The following PDE1C variants were observed in gnomAD, a reference collection of about 807,000 sequenced individuals.
PDE1C encodes the protein dual specificity calcium/calmodulin-dependent 3',5'-cyclic nucleotide phosphodiesterase 1C.
A neutral mutation model predicts 93.1 loss-of-function variants in PDE1C; 62 were observed. That is an observed-to-expected ratio of 0.67 (90% CI 0.54 to 0.82). PDE1C has a LOEUF of 0.82. PDE1C is among the 40% of genes least tolerant of loss of function. The probability of loss-of-function intolerance (pLI) is 0.00; values close to 1 mark genes in which losing one functional copy is unlikely to be tolerated. For missense variants in PDE1C, 742 were observed against 884.6 expected (o/e 0.84, Z 2.04); for synonymous variants, 325 against 310.1 (o/e 1.05, Z -0.50).
chr7:31,871,546 C>A (rs1795951931), intron 6 of PDE1C, among the ~76,000 whole-genome samples: 1 of 151,460 alleles, frequency 6.6e-6, no homozygotes, highest in African/African-American at 2.4e-5. Context: ...AAAAAGTGGG[C>A]AAAGATATAG....
intron 2 of PDE1C, among the ~76,000 whole-genome samples, chr7:32,200,359 T>C (rs939558941): frequency 6.6e-6 from 1 of 152,216 alleles, no homozygotes; most frequent in Non-Finnish European, 1.5e-5. Context: ...TGTTTGTTAA[T>C]TTCTTAGGCT....
intron 2 of PDE1C, among the ~76,000 whole-genome samples, chr7:31,945,049 T>G (rs1000764141): frequency 6.6e-6 from 1 of 152,156 alleles, no homozygotes; most frequent in Non-Finnish European, 1.5e-5. Flanking sequence ...TACATCTTTT[T>G]AAAAATTTTC....
At chr7:31,763,170 A>G (rs182739291) in intron 17 of PDE1C, among the ~76,000 whole-genome samples, 3 of 152,290 alleles carry the variant, frequency 2.0e-5, no homozygotes, top group African/African-American at 7.2e-5. Flanking sequence ...AACTTGGTTT[A>G]TACTTAGCTT....
intron 2 of PDE1C, among the ~76,000 whole-genome samples, chr7:32,188,207 A>C (rs1043644296): frequency 4.9e-5 from 1 of 20,586 alleles, no homozygotes; most frequent in African/African-American, 1.6e-4. Context: ...GCTAGTATAT[A>C]TGAAATTGGG....
At chr7:31,691,778 A>G in the PDE1C span, among the ~76,000 whole-genome samples, 1 of 134,108 alleles carries the variant, frequency 7.5e-6, no homozygotes, top group Non-Finnish European at 1.6e-5. Context: ...TTTATACAAT[A>G]GTTGTAGAAT....
the PDE1C span, among the ~76,000 whole-genome samples, chr7:31,716,576 A>G: frequency 1.3e-5 from 2 of 152,222 alleles, no homozygotes; most frequent in Admixed American, 1.3e-4. Flanking sequence ...GATGTGCACC[A>G]TGATCATTGA....
intron 1 of PDE1C, among the ~76,000 whole-genome samples, chr7:32,363,552 C>T (rs1784177270): frequency 6.6e-6 from 1 of 152,216 alleles, no homozygotes; most frequent in Non-Finnish European, 1.5e-5. Context: ...AAAGAAATAA[C>T]TTCGATTGCT....
intron 2 of PDE1C, among the ~76,000 whole-genome samples, chr7:32,034,298 C>T (rs1202588289): frequency 6.6e-6 from 1 of 151,996 alleles, no homozygotes; most frequent in Non-Finnish European, 1.5e-5. Context: ...CTTCTGGTTA[C>T]CCTCTCCCCT....
intron 17 of PDE1C, among the ~76,000 whole-genome samples, chr7:31,758,290 T>C (rs1209256298): frequency 6.9e-6 from 1 of 144,718 alleles, no homozygotes; most frequent in Non-Finnish European, 1.5e-5. Context: ...GAACTTAAAG[T>C]ATAATTTAAA....
intron 1 of PDE1C, among the ~76,000 whole-genome samples, chr7:32,288,216 T>C (rs1312440276): frequency 1.3e-5 from 2 of 152,228 alleles, no homozygotes; most frequent in African/African-American, 4.8e-5. Flanking sequence ...CTCCGACTTC[T>C]TGGAGTAGCA....
chr7:32,353,994 A>T (rs1410467907), intron 1 of PDE1C, among the ~76,000 whole-genome samples: 1 of 152,140 alleles, frequency 6.6e-6, no homozygotes, highest in African/African-American at 2.4e-5. Context: ...CAGTCCAGGG[A>T]GCAACAGACA....
intron 16 of PDE1C, chr7:31,786,930 TATCTATCTATCTATCTATCTATCTATC>T (rs1404111888): frequency 2.5e-4 from 34 of 133,704 alleles, no homozygotes; most frequent in East Asian, 1.0e-3. Flanking sequence ...TCTATCTATC[TATCTATCTATCTATCTATCTATCTATC>T]ATCTATCTAT....
At chr7:32,265,724 G>T (rs1418143969) in intron 1 of PDE1C, among the ~76,000 whole-genome samples, 1 of 152,206 alleles carries the variant, frequency 6.6e-6, no homozygotes, top group African/African-American at 2.4e-5. Flanking sequence ...GACCAACAGA[G>T]ACATATACGT....
In PDE1C at chr7:32,401,845, G is replaced by A. The variant is rs545868241; in HGVS notation, c.310+25977C>T. Among the ~76,000 whole-genome samples, 4 of 152,336 alleles carry A rather than the reference G, an allele frequency of 2.6e-5. No homozygotes were observed. The East Asian group carries it at 7.7e-4, about 29-fold the overall frequency. The stretch of plus-strand genomic sequence containing the variant: ...AGAGAGTCTGCAGTCTTTCAGCAGA[G>A]TGTAGGAGAATATGGGCTTCAGTTT... On this transcript the variant is annotated intron_variant, in intron 1 of 1. Coordinates refer to the PDE1C transcript ENST00000672256.
intron 5 of PDE1C, among the ~76,000 whole-genome samples, chr7:31,877,424 T>C (rs893387891): frequency 2.0e-5 from 3 of 152,112 alleles, no homozygotes; most frequent in African/African-American, 2.4e-5. Flanking sequence ...ATGGGCTATA[T>C]AGATGGGACA....
chr7:32,146,440 C>T (rs1181926106), intron 3 of PDE1C, among the ~76,000 whole-genome samples: 1 of 152,272 alleles, frequency 6.6e-6, no homozygotes, highest in East Asian at 1.9e-4. Context: ...CATTCCTTGG[C>T]TCATGGCCCC....
chr7:31,655,664 C>A, the PDE1C span: 1 of 882,962 alleles, frequency 1.1e-6, no homozygotes, highest in Non-Finnish European at 1.4e-6. Context: ...TTGCCACATC[C>A]CCATCTTGGC....
the PDE1C span, among the ~76,000 whole-genome samples, chr7:31,623,868 A>T: frequency 1.3e-5 from 2 of 152,120 alleles, no homozygotes; most frequent in Non-Finnish European, 2.9e-5. Context: ...ATATGTAGAA[A>T]ACCCCATTGT....
intron 7 of PDE1C, among the ~76,000 whole-genome samples, chr7:31,851,828 T>C (rs3801348): frequency 0.5 from 76,150 of 152,186 alleles, 21,564 homozygotes; most frequent in Non-Finnish European, 0.62. Flanking sequence ...TATCAAAATA[T>C]GTGTGACAAC....
Sources: allele counts gnomAD v4.1 joint callset (sites outside exome capture counted in the v4.1 genomes callset), GRCh38; gene constraint gnomAD v4.1.1; transcripts MANE v1.5; gene names NCBI Gene and HGNC (gene_info 2026-07-23, HGNC 2026-07-21).